MOCOS: variants seen among roughly 807,000 people sequenced by gnomAD.
MOCOS encodes molybdenum cofactor sulfurase, also known as human molybdenum cofactor sulfurase.
MOCOS carries 86 observed loss-of-function variants against 83.6 expected under a neutral mutation model. The ratio of observed to expected loss-of-function variants is 1.03; its 90% CI spans 0.86 to 1.23. MOCOS has a LOEUF of 1.23. MOCOS is among the 50% of genes most tolerant of loss of function. The probability of loss-of-function intolerance (pLI) is 0.00; values close to 1 mark genes in which losing one functional copy is unlikely to be tolerated. For synonymous variants in MOCOS, 445 were observed against 434.7 expected, an observed-to-expected ratio of 1.02 and a Z score of -0.29; for missense variants, 1,120 against 1,126.9, an observed-to-expected ratio of 0.99 and a Z score of 0.09.
At chr18:36,191,981 C>T (rs1380946829) in intron 1 of MOCOS, among the ~76,000 whole-genome samples, 1 of 152,222 alleles carries the variant, frequency 6.6e-6, no homozygotes, top group African/African-American at 2.4e-5. Flanking sequence ...TAAAGGTCAT[C>T]TGCAAAACCC....
chr18:36,202,904 G>A lies in MOCOS; in HGVS notation c.942-209G>A, dbSNP rs2091420211. Among the ~76,000 whole-genome samples, 3 of 152,160 alleles carry A rather than the reference G, an allele frequency of 2.0e-5. No homozygotes were observed. The South Asian group carries it at 6.2e-4, about 32-fold the overall frequency. ...CTATCACGAAATGAGAACAGCAAGGGGGAAACCATCCCCATAATCCAATCA... is the reference window on the plus strand; with the variant it reads ...CTATCACGAAATGAGAACAGCAAGGAGGAAACCATCCCCATAATCCAATCA... On this transcript the variant is annotated intron_variant, in intron 4 of 14. Coordinates refer to ENST00000261326, the MANE Select transcript of MOCOS (RefSeq NM_017947.4).
chr18:36,207,998 A>T (rs1400647738), intron 6 of MOCOS, among the ~76,000 whole-genome samples: 1 of 152,132 alleles, frequency 6.6e-6, no homozygotes, highest in East Asian at 1.9e-4. Flanking sequence ...GTCCCATTTC[A>T]ATCTTCTGCA....
At position 36,237,669 on chromosome 18, in the gene MOCOS, C is replaced by T. The variant is rs556243657; in HGVS notation, c.1961-11253C>T. ...CATAAAATGAGTTAGGGAGGATTCCCTCTTTTTCTATTGATTGGAATAGTT... is the reference window on the plus strand; with the variant it reads ...CATAAAATGAGTTAGGGAGGATTCCTTCTTTTTCTATTGATTGGAATAGTT... On this transcript the variant is annotated intron_variant, in intron 9 of 14. Transcript: ENST00000261326. 4.1e-3 allele frequency among the ~76,000 whole-genome samples: 628 copies of T among 152,198 alleles called. 10 individuals are homozygous for T. Among genetic ancestry groups the T allele is most frequent in the African/African-American group, 0.014 (599 of 41,488 alleles).
chr18:36,213,214 G>A (rs2091461764), intron 6 of MOCOS, 152 bp from the exon 7 acceptor site: 4 of 706,520 alleles, frequency 5.7e-6, no homozygotes, highest in African/African-American at 1.8e-5. Flanking sequence ...TTTATACAAC[G>A]TTTAACCTGT....
intron 1 of MOCOS, among the ~76,000 whole-genome samples, chr18:36,193,405 C>T (rs926154602): frequency 6.9e-4 from 88 of 127,020 alleles, no homozygotes; most frequent in African/African-American, 2.6e-3. Flanking sequence ...CACATATAGA[C>T]AAATGAAATA....
chr18:36,267,876 G>C (rs907797834), intron 14 of MOCOS, among the ~76,000 whole-genome samples: 6 of 152,174 alleles, frequency 3.9e-5, no homozygotes, highest in African/African-American at 1.4e-4. Context: ...AGAGTGCAGA[G>C]GCTGCACTTT....
chr18:36,249,783 T>A (rs1020976949), intron 10 of MOCOS, among the ~76,000 whole-genome samples: 1 of 152,092 alleles, frequency 6.6e-6, no homozygotes, highest in African/African-American at 2.4e-5. Context: ...AACTAGCTGA[T>A]GATTGGATAA....
At chr18:36,232,227 G>A (rs11877266) in intron 9 of MOCOS, among the ~76,000 whole-genome samples, 8,626 of 152,144 alleles carry the variant, frequency 0.057, 829 homozygotes, top group African/African-American at 0.2. Flanking sequence ...CACCTGCCTC[G>A]GCCTCTGAAA....
intron 11 of MOCOS, among the ~76,000 whole-genome samples, chr18:36,256,001 T>C (rs753899855): frequency 2.7e-5 from 4 of 150,546 alleles, no homozygotes; most frequent in Non-Finnish European, 4.4e-5. Flanking sequence ...CAAGAGATCC[T>C]CCTGCCTCAG....
chr18:36,250,424 G>A (rs538897782), intron 10 of MOCOS, among the ~76,000 whole-genome samples: 51 of 152,286 alleles, frequency 3.3e-4, no homozygotes, highest in African/African-American at 1.2e-3. Context: ...TGGGTGATAG[G>A]CAGAGGATCA....
At chr18:36,263,295 A>G (rs899939619) in intron 13 of MOCOS, among the ~76,000 whole-genome samples, 15 of 152,242 alleles carry the variant, frequency 9.9e-5, no homozygotes, top group African/African-American at 3.6e-4. Flanking sequence ...AAAAAAATGA[A>G]AAGGAAAGAC....
chr18:36,251,750 T>G (rs2091623231), intron 11 of MOCOS, among the ~76,000 whole-genome samples: 1 of 152,058 alleles, frequency 6.6e-6, no homozygotes, highest in Admixed American at 6.5e-5. Context: ...TTTCCACAAT[T>G]TTTCCCACCT....
intron 1 of MOCOS, 149 bp downstream of exon 1, chr18:36,187,830 G>T: frequency 1.1e-6 from 1 of 926,930 alleles, no homozygotes. Flanking sequence ...CCTCCTAGTA[G>T]ACACGGCTCC....
chr18:36,195,232 GTATT>G, intron 1 of MOCOS, 21 bp from the exon 2 acceptor site: 3 of 1,602,682 alleles, frequency 1.9e-6, no homozygotes, highest in Non-Finnish European at 2.6e-6. Context: ...TAAAATTTTA[GTATT>G]TATTTTGTGT....
At chr18:36,236,812 C>A (rs1245349659) in intron 9 of MOCOS, among the ~76,000 whole-genome samples, 1 of 143,950 alleles carries the variant, frequency 6.9e-6, no homozygotes, top group Non-Finnish European at 1.5e-5. Context: ...TTTCGTTGAG[C>A]AGTGGTTTGT....
intron 1 of MOCOS, among the ~76,000 whole-genome samples, chr18:36,188,922 C>G (rs1027124510): frequency 9.1e-6 from 1 of 109,720 alleles, no homozygotes; most frequent in Non-Finnish European, 1.9e-5. Flanking sequence ...CGTATTCTCT[C>G]TCTCTCTCTC....
intron 9 of MOCOS, among the ~76,000 whole-genome samples, chr18:36,226,476 T>A (rs2091515896): frequency 6.7e-6 from 1 of 149,598 alleles, no homozygotes; most frequent in East Asian, 1.9e-4. Context: ...CTTTTTATGC[T>A]TCTTTTTTTT....
chr18:36,240,556 T>C (rs1415576784), intron 9 of MOCOS, among the ~76,000 whole-genome samples: 1 of 151,374 alleles, frequency 6.6e-6, no homozygotes, highest in Non-Finnish European at 1.5e-5. Context: ...GACAGGGACA[T>C]TTAAGTCTGC....
At chr18:36,234,180 C>A (rs151072378) in intron 9 of MOCOS, among the ~76,000 whole-genome samples, 3,533 of 152,218 alleles carry the variant, frequency 0.023, 112 homozygotes, top group East Asian at 0.13. Flanking sequence ...AGATTTAAGT[C>A]TTTGATCCAT....
Sources: gnomAD v4.1 joint callset for allele counts (sites outside exome capture counted in the v4.1 genomes callset) on GRCh38, gnomAD v4.1.1 for gene constraint, MANE v1.5 for transcripts, NCBI Gene and HGNC (gene_info 2026-07-23, HGNC 2026-07-21) for gene names.